Variants in MECOM observed in about 807,000 individuals in gnomAD.
MECOM encodes histone-lysine N-methyltransferase MECOM.
MECOM carries 13 observed loss-of-function variants against 116.3 expected under a neutral mutation model. The observed-to-expected ratio is 0.11, with a 90% CI of 0.07 to 0.18. The LOEUF (loss-of-function observed/expected upper bound fraction) is 0.18. Ranked by LOEUF, MECOM falls within the 10% of genes least tolerant of loss-of-function variation. The pLI is 1.00. For missense variants in MECOM, 1,299 were observed against 1,509.0 expected (o/e 0.86, Z 2.31); for synonymous variants, 528 against 535.2 (o/e 0.99, Z 0.19).
At chr3:169,565,470 G>A (rs1041087686) in intron 1 of MECOM, among the ~76,000 whole-genome samples, 4 of 152,094 alleles carry the variant, frequency 2.6e-5, no homozygotes, top group African/African-American at 9.7e-5. Context: ...CATCTGTCTG[G>A]GTTTGCTCTC....
In MECOM at chr3:169,468,606, A is replaced by G. The variant is rs142061433; in HGVS notation, c.38-87082T>C. On this transcript the variant is annotated intron_variant, in intron 1 of 16. Coordinates refer to ENST00000651503, the MANE Select transcript of MECOM (RefSeq NM_004991.4). ...CACCTGCAAAATGTAATAAAAAGGA[A>G]TCCTTGCTTCTCAATGTCATTGTTA... Among the ~76,000 whole-genome samples, 332 of 152,312 alleles carry G rather than the reference A, an allele frequency of 2.2e-3. 1 individual carries two copies. Among genetic ancestry groups the G allele is most frequent in the African/African-American group, 7.8e-3 (326 of 41,570 alleles).
intron 2 of MECOM, among the ~76,000 whole-genome samples, chr3:169,338,102 C>T (rs910375033): frequency 1.3e-5 from 2 of 152,152 alleles, no homozygotes. Flanking sequence ...TTGTGCTTAG[C>T]TACACTGAAC....
intron 7 of MECOM, among the ~76,000 whole-genome samples, chr3:169,117,611 A>G (rs1729588122): frequency 1.3e-5 from 2 of 152,218 alleles, no homozygotes; most frequent in Non-Finnish European, 2.9e-5. Context: ...TCTGTGTGTT[A>G]TAGCCAACTA....
intron 1 of MECOM, among the ~76,000 whole-genome samples, chr3:169,640,114 A>G (rs1024130578): frequency 2.0e-5 from 3 of 152,216 alleles, no homozygotes; most frequent in Admixed American, 6.5e-5. Context: ...TTTATAAGAG[A>G]CGTAGTGAAT....
chr3:169,125,925 G>A (rs1488411773), intron 5 of MECOM, among the ~76,000 whole-genome samples: 1 of 152,014 alleles, frequency 6.6e-6, no homozygotes, highest in African/African-American at 2.4e-5. Context: ...GTCATTTAAA[G>A]CATAAAGTGA....
At chr3:169,423,437 C>T (rs569620437) in intron 1 of MECOM, among the ~76,000 whole-genome samples, 4 of 151,988 alleles carry the variant, frequency 2.6e-5, no homozygotes, top group East Asian at 1.9e-4. Flanking sequence ...TCAAGTTTTC[C>T]GATCACCTGA....
intron 2 of MECOM, among the ~76,000 whole-genome samples, chr3:169,267,098 A>G (rs1315221034): frequency 6.6e-6 from 1 of 152,232 alleles, no homozygotes; most frequent in Non-Finnish European, 1.5e-5. Flanking sequence ...CATGCACAGC[A>G]TGGCTGACGA....
chr3:169,247,003 T>C (rs1473932698), intron 2 of MECOM, among the ~76,000 whole-genome samples: 4 of 152,208 alleles, frequency 2.6e-5, no homozygotes, highest in Admixed American at 6.5e-5. Flanking sequence ...TAGCCTATTA[T>C]TTAAAGAGAT....
intron 1 of MECOM, among the ~76,000 whole-genome samples, chr3:169,447,510 T>C (rs1316014255): frequency 6.6e-6 from 1 of 152,172 alleles, no homozygotes; most frequent in African/African-American, 2.4e-5. Flanking sequence ...TTCTCATTGA[T>C]TCTTATGTTT....
intron 1 of MECOM, among the ~76,000 whole-genome samples, chr3:169,420,378 C>A (rs1739499222): frequency 1.3e-5 from 2 of 152,136 alleles, no homozygotes; most frequent in South Asian, 2.1e-4. Flanking sequence ...ATGACCACAT[C>A]TTTAAATTCC....
intron 9 of MECOM, among the ~76,000 whole-genome samples, chr3:169,109,344 C>T (rs1726528183): frequency 6.6e-6 from 1 of 151,890 alleles, no homozygotes. Flanking sequence ...CATGCTTCTT[C>T]AAGAATTGAA....
intron 2 of MECOM, among the ~76,000 whole-genome samples, chr3:169,347,373 G>A (rs1007964857): frequency 2.6e-5 from 4 of 152,026 alleles, no homozygotes; most frequent in African/African-American, 9.6e-5. Flanking sequence ...GTACACATTT[G>A]AAAGAAAAAG....
chr3:169,146,725 T>C, intron 2 of MECOM: 1 of 1,219,770 alleles, frequency 8.2e-7, no homozygotes, highest in South Asian at 1.5e-5. Flanking sequence ...TCTCTTACCT[T>C]TAGATTTCTA....
At chr3:169,365,351 G>T (rs1364157716) in intron 2 of MECOM, among the ~76,000 whole-genome samples, 1 of 151,988 alleles carries the variant, frequency 6.6e-6, no homozygotes, top group Non-Finnish European at 1.5e-5. Context: ...TAGTATAGTC[G>T]CTTCTCTTCA....
intron 2 of MECOM, among the ~76,000 whole-genome samples, chr3:169,330,458 T>G (rs1424544191): frequency 6.6e-6 from 1 of 152,178 alleles, no homozygotes; most frequent in African/African-American, 2.4e-5. Context: ...TAGTTCAAAC[T>G]TGTGACTGAG....
chr3:169,562,801 C>G (rs906425253), intron 1 of MECOM, among the ~76,000 whole-genome samples: 5 of 152,144 alleles, frequency 3.3e-5, no homozygotes, highest in Admixed American at 6.5e-5. Context: ...GTGGCTCATG[C>G]CTGTAATCCC....
At chr3:169,662,550 C>T (rs896398811) in intron 1 of MECOM, among the ~76,000 whole-genome samples, 1 of 152,048 alleles carries the variant, frequency 6.6e-6, no homozygotes, top group Non-Finnish European at 1.5e-5. Context: ...TGTGCGGAGC[C>T]GGTAGCTCTG....
intron 1 of MECOM, among the ~76,000 whole-genome samples, chr3:169,571,491 C>T (rs1381425341): frequency 6.6e-6 from 1 of 152,138 alleles, no homozygotes; most frequent in African/African-American, 2.4e-5. Context: ...GAAAAAACTA[C>T]TTTAAATTTC....
chr3:169,170,570 A>G (rs1157343815), intron 2 of MECOM, among the ~76,000 whole-genome samples: 1 of 152,142 alleles, frequency 6.6e-6, no homozygotes, highest in Non-Finnish European at 1.5e-5. Context: ...GTACTTGGCC[A>G]ATATTTTTTT....
Sources: allele counts gnomAD v4.1 joint callset (sites outside exome capture counted in the v4.1 genomes callset), GRCh38; gene constraint gnomAD v4.1.1; transcripts MANE v1.5; gene names NCBI Gene and HGNC (gene_info 2026-07-23, HGNC 2026-07-21).